F13B: variants seen among roughly 807,000 people sequenced by gnomAD.
F13B encodes the protein TGase.
A neutral mutation model predicts 79.8 loss-of-function variants in F13B; 58 were observed. The observed-to-expected ratio is 0.73, with a 90% CI of 0.59 to 0.90. The LOEUF is 0.90. Among genes scored for constraint, F13B ranks in the 40% least tolerant of loss-of-function variants. F13B has a pLI of 0.00. For synonymous variants in F13B, 283 were observed against 260.3 expected, an observed-to-expected ratio of 1.09 and a Z score of -0.84; for missense variants, 773 against 777.0, an observed-to-expected ratio of 0.99 and a Z score of 0.06.
rs776807708 is a variant in F13B, at chr1:197,063,026, AT to A, written c.95del (p.Asn32MetfsTer18). On this transcript the variant is annotated frameshift_variant, in exon 2 of 12. Transcript: ENST00000367412. LOFTEE classifies it high-confidence loss of function. ...TATAGTAATATTGGGCAATTCTTCC[AT>A]TTTCCACATGAGGAAAACCACAGGG... ...EKPCGFPHVE[N>X]GRIAQYYYTF... 5 of 1,612,612 alleles carry A rather than the reference AT, an allele frequency of 3.1e-6. No homozygotes were observed. Among genetic ancestry groups the A allele is most frequent in the Non-Finnish European group, 4.2e-6 (5 of 1,179,588 alleles).
intron 9 of F13B, among the ~76,000 whole-genome samples, chr1:197,051,420 T>C (rs930802811): frequency 2.0e-5 from 3 of 152,138 alleles, no homozygotes; most frequent in African/African-American, 4.8e-5. Flanking sequence ...TTTCTGTATA[T>C]ATTATTTTCC....
chr1:197,062,754 C>T lies in F13B; in HGVS notation c.265+103G>A, dbSNP rs1226719052. The T allele has an allele frequency of 4.8e-6, 5 of 1,044,234 alleles. No homozygotes were observed. The African/African-American group carries it at 7.9e-5, about 17-fold the overall frequency. The allele number at this position is 1,044,234 out of a possible 1,614,324, so 64.7% of individuals were successfully genotyped here. A position where few individuals can be genotyped will look rare whatever the true frequency, so the allele number is the denominator to read the frequency against. On this transcript the variant is annotated intron_variant, in intron 2 of 11. Coordinates refer to ENST00000367412, the MANE Select transcript of F13B (RefSeq NM_001994.3). ...AGATTGCTAGTGATTTTGTTCTTAT[C>T]TACTAAAAGGTTTAACCGCTTTCCA...
At chr1:197,042,799 C>A (rs1404682754) in intron 10 of F13B, among the ~76,000 whole-genome samples, 1 of 146,884 alleles carries the variant, frequency 6.8e-6, no homozygotes, top group East Asian at 2.0e-4. Flanking sequence ...CCAGCCTGGG[C>A]AACAAAAGGA....
At chr1:197,042,493 G>A (rs930791647) in intron 10 of F13B, among the ~76,000 whole-genome samples, 3 of 151,784 alleles carry the variant, frequency 2.0e-5, no homozygotes, top group Admixed American at 2.0e-4. Flanking sequence ...AAGGAAGTAA[G>A]GTTCTGGAAA....
In F13B at chr1:197,061,733, A is replaced by G. The variant is rs17514556; in HGVS notation, c.451+51T>C. On this transcript the variant is annotated intron_variant, in intron 3 of 11. Coordinates refer to ENST00000367412, the MANE Select transcript of F13B (RefSeq NM_001994.3). ...ATCAATATAAGCTTCAATATATTCAATATAAGCTTGATAAGCACTTATCTT... is the reference window on the plus strand; with the variant it reads ...ATCAATATAAGCTTCAATATATTCAGTATAAGCTTGATAAGCACTTATCTT... 1,157 of 1,457,350 alleles carry G rather than the reference A, an allele frequency of 7.9e-4. 11 individuals carry two copies. The African/African-American group carries it at 0.012, about 15-fold the overall frequency. 90.3% of individuals were successfully genotyped at this position (1,457,350 alleles called of 1,614,324 possible). A position where few individuals can be genotyped will look rare whatever the true frequency, so the allele number is the denominator to read the frequency against.
At position 197,057,335 on chromosome 1, in the gene F13B, T is replaced by A; in HGVS notation, c.936A>T (p.Ala312=). 2 of 1,614,016 alleles carry A rather than the reference T, an allele frequency of 1.2e-6. No homozygotes were observed. Among genetic ancestry groups the A allele is most frequent in the South Asian group, 2.2e-5 (2 of 91,082 alleles). Reference sequence around the variant, plus strand: ...ATTTTCCATCTTCACAACGTATTTCTGCTGACCCATGGATCTCAAAATTAA... The same window carrying A: ...ATTTTCCATCTTCACAACGTATTTCAGCTGACCCATGGATCTCAAAATTAA... The part of the protein sequence containing the change: ...CELNFEIHGS[A]EIRCEDGKWT... Residue 312 remains alanine (A), a synonymous_variant, in exon 6 of 12, where the codon GCA becomes GCT. Transcript: ENST00000367412.
In F13B at chr1:197,045,810, T is replaced by C. The variant is rs191617136; in HGVS notation, c.1738+4887A>G. ...ATCCAGCAGCACATCAAAAAGCTTATCCACCACGATCAAGATGGCTTCATC... is the reference window on the plus strand; with the variant it reads ...ATCCAGCAGCACATCAAAAAGCTTACCCACCACGATCAAGATGGCTTCATC... On this transcript the variant is annotated intron_variant, in intron 10 of 11. Transcript: ENST00000367412. Among the ~76,000 whole-genome samples the C allele has an allele frequency of 9.3e-4, 141 of 152,284 alleles. 2 individuals carry two copies. Among genetic ancestry groups the C allele is most frequent in the Non-Finnish European group, 1.2e-4 (8 of 68,020 alleles).
rs112043475 is a variant in F13B, at chr1:197,055,728, T to C, written c.1341A>G (p.Pro447=). Residue 447 remains proline, a synonymous_variant, in exon 8 of 12, where the codon CCA becomes CCG. Coordinates refer to ENST00000367412, the MANE Select transcript of F13B (RefSeq NM_001994.3). ...SRCEQGKWSS[P]PVCLEPCTVN... is the part of the protein sequence containing the mutation. ...TCTCTTTCTTACCCAAGCAAACAGG[T>C]GGGGATGACCATTTTCCTTGTTCGC... The C allele has an allele frequency of 3.9e-5, 63 of 1,613,396 alleles. 1 individual carries two copies. The African/African-American group carries it at 4.1e-4, about 11-fold the overall frequency.
chr1:197,044,659 T>A (rs1444374753), intron 10 of F13B, among the ~76,000 whole-genome samples: 1 of 152,082 alleles, frequency 6.6e-6, no homozygotes, highest in Admixed American at 6.6e-5. Context: ...CAAGCAGACC[T>A]AATGGACATC....
intron 10 of F13B, among the ~76,000 whole-genome samples, chr1:197,044,493 C>G (rs1424091925): frequency 6.6e-6 from 1 of 152,058 alleles, no homozygotes; most frequent in Non-Finnish European, 1.5e-5. Flanking sequence ...TTCAGGAGCA[C>G]CCAGGTTAAT....
intron 9 of F13B, among the ~76,000 whole-genome samples, chr1:197,051,808 C>T (rs1655451579): frequency 6.6e-6 from 1 of 152,114 alleles, no homozygotes; most frequent in Non-Finnish European, 1.5e-5. Context: ...TTGTTGGCCA[C>T]ATAAATGTCT....
At chr1:197,051,836 GT>G (rs1655452079) in intron 9 of F13B, among the ~76,000 whole-genome samples, 1 of 152,042 alleles carries the variant, frequency 6.6e-6, no homozygotes, top group African/African-American at 2.4e-5. Flanking sequence ...AGAAGTGACT[GT>G]TTATATCCTT....
chr1:197,052,596 T>C (rs1164305353), intron 9 of F13B, 38 bp downstream of exon 9: 2 of 1,417,120 alleles, frequency 1.4e-6, no homozygotes, highest in Non-Finnish European at 2.0e-6. Flanking sequence ...CAGATATTGG[T>C]CAAGTAAAGA....
chr1:197,047,310 C>T (rs192476406), intron 10 of F13B, among the ~76,000 whole-genome samples: 289 of 152,064 alleles, frequency 1.9e-3, no homozygotes, highest in African/African-American at 6.7e-3. Flanking sequence ...AAAAAGTTTA[C>T]GAGAAAAAAA....
In F13B at chr1:197,053,063, A is replaced by G. The variant is rs186626051; in HGVS notation, c.1355-229T>C. ...TAAAACCACTTAATTTAAAACATCA[A>G]AAATACTATTTAAGGGCATCAATCA... On this transcript the variant is annotated intron_variant, in intron 8 of 11. Coordinates refer to ENST00000367412, the MANE Select transcript of F13B (RefSeq NM_001994.3). 9.2e-5 allele frequency among the ~76,000 whole-genome samples: 14 copies of G among 152,128 alleles called. No homozygotes were observed. The East Asian group carries it at 2.7e-3, about 29-fold the overall frequency.
chr1:197,062,422 T>C (rs548779609), intron 2 of F13B, among the ~76,000 whole-genome samples: 1 of 152,260 alleles, frequency 6.6e-6, no homozygotes, highest in African/African-American at 2.4e-5. Flanking sequence ...TTTCAATGGG[T>C]ATCATGAGAG....
chr1:197,054,859 AG>A (rs1655577761), intron 8 of F13B, among the ~76,000 whole-genome samples: 1 of 152,028 alleles, frequency 6.6e-6, no homozygotes. Flanking sequence ...GCCAATTAAT[AG>A]AAAAAGAATT....
chr1:197,060,494 G>C lies in F13B; in HGVS notation c.677C>G (p.Pro226Arg). Reference protein sequence around the residue: ...LRLIENGYFHPVKQTYEEGDV... With the variant: ...LRLIENGYFHRVKQTYEEGDV... ...TCCTTCTTCATAGGTTTGCTTTACA[G>C]GATGAAAATAACCATTTTCAATTAA... Residue 226 changes from proline (P) to arginine (R), a missense_variant, in exon 5 of 12, where the codon CCT becomes CGT. By Grantham distance (103) the Pro-to-Arg change is moderately radical (BLOSUM62 -2). Transcript: ENST00000367412. 1 of 1,603,716 alleles carries C rather than the reference G, an allele frequency of 6.2e-7. No individual in the cohort carries two copies. The highest frequency in any genetic ancestry group is 8.5e-7 in the Non-Finnish European group (1 of 1,174,494).
At position 197,067,146 on chromosome 1, in the gene F13B, A is replaced by C; in HGVS notation, c.64+14T>G. 6.7e-7 allele frequency: 1 copy of C among 1,498,382 alleles called. No individual in the cohort carries two copies. Among genetic ancestry groups the C allele is most frequent in the Non-Finnish European group, 9.3e-7 (1 of 1,077,860 alleles). The allele number at this position is 1,498,382 out of a possible 1,614,324, so 92.8% of individuals were successfully genotyped here. ...ATGTTTTAGAGAATAAAGAATATTAAGAATTAATTTTACCTTCTGCATAGA... is the reference window on the plus strand; with the variant it reads ...ATGTTTTAGAGAATAAAGAATATTACGAATTAATTTTACCTTCTGCATAGA... On this transcript the variant is annotated intron_variant, in intron 1 of 11. Transcript: ENST00000367412.
Sources: gnomAD v4.1 joint callset for allele counts (sites outside exome capture counted in the v4.1 genomes callset) on GRCh38, gnomAD v4.1.1 for gene constraint, MANE v1.5 for transcripts, NCBI Gene and HGNC (gene_info 2026-07-23, HGNC 2026-07-21) for gene names.